Variants in TCP11L1 observed in about 807,000 individuals in gnomAD.
TCP11L1 encodes the protein T-complex protein 11-like protein 1.
In TCP11L1, 28 loss-of-function variants were observed where a neutral mutation model predicts 48.9. The ratio of observed to expected loss-of-function variants is 0.57; its 90% CI spans 0.42 to 0.78. The LOEUF (loss-of-function observed/expected upper bound fraction) is 0.78, where lower values mean the gene tolerates loss of function less well. Ranked by LOEUF, TCP11L1 falls within the 30% of genes least tolerant of loss-of-function variation. TCP11L1 has a pLI of 0.00. For synonymous variants in TCP11L1, 204 were observed against 231.9 expected (o/e 0.88, Z 1.09); for missense variants, 505 against 613.4 (o/e 0.82, Z 1.87).
chr11:33,054,935 G>A (rs1019295289), intron 3 of TCP11L1, among the ~76,000 whole-genome samples: 2 of 152,254 alleles, frequency 1.3e-5, no homozygotes, highest in African/African-American at 4.8e-5. Flanking sequence ...GTAGGATCTA[G>A]CTGCCTCATC....
intron 9 of TCP11L1, among the ~76,000 whole-genome samples, chr11:33,069,268 C>G (rs1564989157): frequency 6.6e-6 from 1 of 151,660 alleles, no homozygotes; most frequent in South Asian, 2.1e-4. Context: ...GGAGCTGTTA[C>G]GAAAAGAGCT....
intron 9 of TCP11L1, 141 bp from the exon 10 acceptor site, chr11:33,072,333 G>A (rs1854815718): frequency 3.8e-6 from 3 of 786,316 alleles, no homozygotes; most frequent in Non-Finnish European, 6.5e-6. Context: ...AGAAGTGCAA[G>A]GTGCTGTGGG....
At chr11:33,062,333 T>G (rs911122652) in intron 7 of TCP11L1, among the ~76,000 whole-genome samples, 10 of 141,024 alleles carry the variant, frequency 7.1e-5, no homozygotes, top group African/African-American at 2.6e-4. Context: ...GCCACAGATC[T>G]GCTTTCTGTC....
At position 33,058,037 on chromosome 11, in the gene TCP11L1, T is replaced by C. The variant is rs1396924030; in HGVS notation, c.536T>C (p.Leu179Pro). Reference sequence around the variant, plus strand: ...AATGGGGCGCTAGACATTTCCAAGCTGGCAGAATTCATTATTGGCATGATG... The same window carrying C: ...AATGGGGCGCTAGACATTTCCAAGCCGGCAGAATTCATTATTGGCATGATG... The part of the protein sequence containing the change: ...AENGALDISK[L>P]AEFIIGMMGT... Residue 179 changes from leucine to proline, a missense_variant, in exon 5 of 10, where the codon CTG (leucine) becomes CCG (proline). Physicochemically the swap from Leu to Pro is moderately conservative, Grantham distance 98. Coordinates refer to ENST00000334274, the MANE Select transcript of TCP11L1 (RefSeq NM_018393.4). 2 of 1,614,130 alleles carry C rather than the reference T, an allele frequency of 1.2e-6. No individual in the cohort carries two copies. Among genetic ancestry groups the C allele is most frequent in the South Asian group, 2.2e-5 (2 of 91,086 alleles).
At position 33,068,805 on chromosome 11, in the gene TCP11L1, A is replaced by C; in HGVS notation, c.1273A>C (p.Lys425Gln). Residue 425 changes from lysine (K) to glutamine (Q), a missense_variant, in exon 9 of 10, where the codon AAG becomes CAG. Around this residue, in one of 3 missense-constraint regions of TCP11L1, gnomAD observed 335 missense variants for 413.3 expected, o/e 0.81. Transcript: ENST00000334274. ...CACCACGGACAAGGAGACCGTGCTCAAGGGCCAGATCCAGGCCGTGGCCAG... is the reference window on the plus strand; with the variant it reads ...CACCACGGACAAGGAGACCGTGCTCCAGGGCCAGATCCAGGCCGTGGCCAG... The part of the protein sequence containing the change: ...PFTTDKETVL[K>Q]GQIQAVASPD... The C allele has an allele frequency of 1.9e-6, 3 of 1,614,130 alleles. No homozygotes were observed.
intron 7 of TCP11L1, among the ~76,000 whole-genome samples, chr11:33,062,265 T>C (rs944344505): frequency 6.6e-6 from 1 of 152,084 alleles, no homozygotes; most frequent in Non-Finnish European, 1.5e-5. Context: ...TCACCTCCAA[T>C]AGAAACGCTG....
rs77327093 is a variant in TCP11L1 at position 33,046,903 on chromosome 11, T to C, written c.163+2967T>C. On this transcript the variant is annotated intron_variant, in intron 2 of 9. Coordinates refer to ENST00000334274, the MANE Select transcript of TCP11L1 (RefSeq NM_018393.4). ...AAAAGAGAACATTTATTGTTTTAAA[T>C]TATAACACAGAGTAATACTTTAAGA... Among the ~76,000 whole-genome samples the C allele has an allele frequency of 6.4e-3, 972 of 152,334 alleles. 5 individuals are homozygous for C. Among genetic ancestry groups the C allele is most frequent in the African/African-American group, 0.022 (911 of 41,576 alleles).
At chr11:33,052,687 C>CT (rs1338357159) in intron 2 of TCP11L1, among the ~76,000 whole-genome samples, 1 of 152,118 alleles carries the variant, frequency 6.6e-6, no homozygotes, top group African/African-American at 2.4e-5. Flanking sequence ...CAACTGGAGA[C>CT]TTGTTAGAAA....
intron 2 of TCP11L1, 61 bp from the exon 3 acceptor site, chr11:33,054,532 T>G (rs1590228627): frequency 1.3e-6 from 2 of 1,573,312 alleles, no homozygotes; most frequent in Non-Finnish European, 1.7e-6. Context: ...CACTGTTTTC[T>G]TATTTTAGTA....
chr11:33,064,067 C>A (rs1002131132), intron 7 of TCP11L1, among the ~76,000 whole-genome samples: 1 of 152,116 alleles, frequency 6.6e-6, no homozygotes, highest in South Asian at 2.1e-4. Context: ...TAAGCCCTCT[C>A]TATGGAGAGG....
chr11:33,058,835 G>C, intron 5 of TCP11L1, 124 bp from the exon 6 acceptor site: 1 of 1,035,920 alleles, frequency 9.7e-7, no homozygotes, highest in Non-Finnish European at 1.4e-6. Flanking sequence ...GGCTCAAGCA[G>C]TCCTCCCGCC....
At chr11:33,054,487 A>G in intron 2 of TCP11L1, 106 bp from the exon 3 acceptor site, 1 of 1,347,384 alleles carries the variant, frequency 7.4e-7, no homozygotes, top group Non-Finnish European at 1.0e-6. Context: ...ATTTTAATAG[A>G]CGCAATAACT....
At chr11:33,047,341 C>T (rs11604740) in intron 2 of TCP11L1, among the ~76,000 whole-genome samples, 32 of 152,048 alleles carry the variant, frequency 2.1e-4, no homozygotes, top group African/African-American at 7.2e-4. Flanking sequence ...AAAAGATTAT[C>T]TGTTCTTTAA....
chr11:33,049,816 A>G (rs1232503842), intron 2 of TCP11L1, among the ~76,000 whole-genome samples: 1 of 152,182 alleles, frequency 6.6e-6, no homozygotes, highest in African/African-American at 2.4e-5. Context: ...TCTCAACTGC[A>G]AAGAGGCCTT....
chr11:33,058,166 G>T, intron 5 of TCP11L1, 27 bp downstream of exon 5: 8 of 1,560,242 alleles, frequency 5.1e-6, no homozygotes, highest in Non-Finnish European at 6.9e-6. Context: ...ATCATACTCC[G>T]TGCAACTACA....
rs371406953 is a variant in TCP11L1 at position 33,072,529 on chromosome 11, A to G, written c.1383A>G (p.Pro461=). 6 of 1,614,060 alleles carry G rather than the reference A, an allele frequency of 3.7e-6. No individual in the cohort carries two copies. In the African/African-American group the frequency reaches 8.0e-5, roughly 22 times the overall value. ...ACCTTGCCTCGGGTCATCAGAAGCC[A>G]TTGCCCACAGTCCCTGGGGGACTCA... is the stretch of plus-strand genomic sequence containing the variant. The part of the protein sequence containing the change: ...ETYLASGHQK[P]LPTVPGGLSP... The change falls in exon 10 of 10, where the codon CCA becomes CCG. Residue 461 remains proline, a synonymous_variant. Transcript: ENST00000334274.
chr11:33,044,096 A>G, intron 2 of TCP11L1, 160 bp downstream of exon 2: 1 of 644,126 alleles, frequency 1.6e-6, no homozygotes, highest in Middle Eastern at 3.4e-4. Context: ...CTGGCAGCCT[A>G]GCTACTTGTG....
chr11:33,057,982 G>T lies in TCP11L1; in HGVS notation c.481G>T (p.Asp161Tyr), dbSNP rs777350345. The T allele has an allele frequency of 6.2e-7, 1 of 1,614,058 alleles. No individual in the cohort carries two copies. Among genetic ancestry groups the T allele is most frequent in the Non-Finnish European group, 8.5e-7 (1 of 1,180,002 alleles). The stretch of plus-strand genomic sequence containing the variant: ...GAGAAACCAGATAACAGAAGTCTTG[G>T]ATCTGGATCTGATAAAGCAGGAAGC... ...RLRNQITEVL[D>Y]LDLIKQEAEN... is the part of the protein sequence containing the mutation. The change falls in exon 5 of 10, where the codon GAT (aspartate) becomes TAT (tyrosine). Residue 161 changes from aspartate (D) to tyrosine (Y), a missense_variant. This residue lies in a region of TCP11L1 where 168 missense variants were observed against 183.5 expected (regional missense o/e 0.92). Coordinates refer to ENST00000334274, the MANE Select transcript of TCP11L1 (RefSeq NM_018393.4).
At chr11:33,055,999 G>A (rs1033005402) in intron 3 of TCP11L1, among the ~76,000 whole-genome samples, 2 of 152,144 alleles carry the variant, frequency 1.3e-5, no homozygotes, top group African/African-American at 2.4e-5. Context: ...TGTATTTGTA[G>A]TAGAGACAGG....
Sources: gnomAD v4.1 joint callset for allele counts (sites outside exome capture counted in the v4.1 genomes callset) on GRCh38, gnomAD v4.1.1 for gene constraint, gnomAD v4.1.1 regional missense constraint, MANE v1.5 for transcripts, NCBI Gene and HGNC (gene_info 2026-07-23, HGNC 2026-07-21) for gene names.